Variants in BCL2 observed in about 807,000 individuals in gnomAD.
BCL2 encodes the protein apoptosis regulator Bcl-2.
A neutral mutation model predicts 14.2 loss-of-function variants in BCL2; 1 was observed. The ratio of observed to expected loss-of-function variants is 0.07; its 90% CI spans 0.02 to 0.33. The LOEUF is 0.33. BCL2 is among the 10% of genes least tolerant of loss of function. The pLI is 0.99. For synonymous variants in BCL2, 151 were observed against 137.2 expected (o/e 1.10, Z -0.70); for missense variants, 247 against 305.9 (o/e 0.81, Z 1.44).
intron 2 of BCL2, among the ~76,000 whole-genome samples, chr18:63,300,152 G>GTACAAC (rs1912918862): frequency 6.6e-6 from 1 of 152,130 alleles, no homozygotes; most frequent in Admixed American, 6.5e-5. Flanking sequence ...CTAAATATGT[G>GTACAAC]TACAACTTAA....
Position 63,318,864 on chromosome 18 carries a change from T to G in BCL2, c.-198A>C. On this transcript the variant is annotated 5_prime_UTR_variant, in exon 2 of 3. Transcript: ENST00000333681. This position sits in a 1 kb window ranked among gnomAD's most constrained non-coding sequence, Gnocchi z 7.4. ...CCCCTTGGCATGAGATGCAGGAAAT[T>G]TTTATTCCAATTCCTTTCGGATCTT... 7.1e-7 allele frequency: 1 copy of G among 1,411,058 alleles called. No individual in the cohort carries two copies. Among genetic ancestry groups the G allele is most frequent in the East Asian group, 2.8e-5 (1 of 35,678 alleles). The allele number at this position is 1,411,058 out of a possible 1,614,324, so 87.4% of individuals were successfully genotyped here.
chr18:63,230,321 C>A (rs1427744549), intron 2 of BCL2, among the ~76,000 whole-genome samples: 3 of 151,960 alleles, frequency 2.0e-5, no homozygotes, highest in African/African-American at 7.3e-5. Flanking sequence ...ACAACTGAAG[C>A]CCTAAATTTC....
In BCL2 at chr18:63,152,579, T is replaced by C. The variant is rs569492950; in HGVS notation, c.586-23820A>G. 2.0e-5 allele frequency among the ~76,000 whole-genome samples: 3 copies of C among 152,340 alleles called. No homozygotes were observed. The East Asian group carries it at 5.8e-4, about 29-fold the overall frequency. On this transcript the variant is annotated intron_variant, in intron 2 of 2. Transcript: ENST00000333681. Reference sequence around the variant, plus strand: ...AATCTATTCTTTAATTTTCTAACATTTGTGTACAAAGCCAAACAATCAACA... The same window carrying C: ...AATCTATTCTTTAATTTTCTAACATCTGTGTACAAAGCCAAACAATCAACA...
chr18:63,293,106 G>A (rs1030343417), intron 2 of BCL2, among the ~76,000 whole-genome samples: 2 of 152,166 alleles, frequency 1.3e-5, no homozygotes, highest in East Asian at 1.9e-4. Context: ...ACTCAGCCCC[G>A]GGACAACACT....
rs890212884 is a variant in BCL2, at chr18:63,123,920, T to C, written c.*4705A>G. ...TCTTATTTATTAATAGTCTCAGAAT[T>C]TTCTTGATTGAGCGAGCCTTTCCAT... On this transcript the variant is annotated 3_prime_UTR_variant, in exon 3 of 3. Coordinates refer to ENST00000333681, the MANE Select transcript of BCL2 (RefSeq NM_000633.3). 1 of 219,448 alleles carries C rather than the reference T, an allele frequency of 4.6e-6. No individual in the cohort carries two copies. Among genetic ancestry groups the C allele is most frequent in the Non-Finnish European group, 9.2e-6 (1 of 109,184 alleles). 13.6% of individuals were successfully genotyped at this position (219,448 alleles called of 1,614,324 possible).
At chr18:63,238,999 C>T (rs535547552) in intron 2 of BCL2, among the ~76,000 whole-genome samples, 2 of 152,116 alleles carry the variant, frequency 1.3e-5, no homozygotes, top group Admixed American at 6.6e-5. Context: ...CCTGCTACTC[C>T]GGGTAGGGGA....
At chr18:63,297,307 T>A (rs1912826423) in intron 2 of BCL2, among the ~76,000 whole-genome samples, 1 of 152,218 alleles carries the variant, frequency 6.6e-6, no homozygotes. Flanking sequence ...AACTAATACA[T>A]CCAAAATACT....
chr18:63,157,258 G>A (rs1049480660), intron 2 of BCL2, among the ~76,000 whole-genome samples: 4 of 152,168 alleles, frequency 2.6e-5, no homozygotes, highest in Admixed American at 6.5e-5. Context: ...CTGTCAGCAC[G>A]GAAAACAGGA....
intron 2 of BCL2, among the ~76,000 whole-genome samples, chr18:63,174,460 A>G (rs1915301940): frequency 6.6e-6 from 1 of 152,150 alleles, no homozygotes; most frequent in Admixed American, 6.5e-5. Flanking sequence ...CTAATGTTAA[A>G]CACCAACTCA....
chr18:63,311,986 G>A (rs1237076099), intron 2 of BCL2, among the ~76,000 whole-genome samples: 2 of 152,206 alleles, frequency 1.3e-5, no homozygotes, highest in South Asian at 2.1e-4. Context: ...ATCAAAGTAA[G>A]TACAAATTTT....
chr18:63,266,855 T>C (rs146326020), intron 2 of BCL2, among the ~76,000 whole-genome samples: 39 of 152,250 alleles, frequency 2.6e-4, no homozygotes, highest in Middle Eastern at 3.4e-3. Flanking sequence ...GGAAGGAATA[T>C]ATGTAAAGCC....
At chr18:63,135,846 T>C (rs1257844685) in intron 2 of BCL2, among the ~76,000 whole-genome samples, 1 of 152,168 alleles carries the variant, frequency 6.6e-6, no homozygotes, top group Non-Finnish European at 1.5e-5. Flanking sequence ...CCACACTCAT[T>C]GGCTCACTTC....
At chr18:63,155,429 T>C (rs1011496634) in intron 2 of BCL2, among the ~76,000 whole-genome samples, 3 of 151,378 alleles carry the variant, frequency 2.0e-5, no homozygotes, top group Non-Finnish European at 4.4e-5. Context: ...GAATGTGCTG[T>C]GCATTGCGTG....
chr18:63,183,374 T>C (rs1915520102), intron 2 of BCL2, among the ~76,000 whole-genome samples: 2 of 152,086 alleles, frequency 1.3e-5, no homozygotes, highest in Admixed American at 1.3e-4. Context: ...GTGGCTCACA[T>C]CACAGCAGGC....
At chr18:63,183,952 T>G (rs1403634207) in intron 2 of BCL2, among the ~76,000 whole-genome samples, 1 of 152,322 alleles carries the variant, frequency 6.6e-6, no homozygotes, top group East Asian at 1.9e-4. Context: ...GGAGCCTGCA[T>G]GGGGCCCTGC....
chr18:63,139,080 C>T (rs935277183), intron 2 of BCL2, among the ~76,000 whole-genome samples: 3 of 152,170 alleles, frequency 2.0e-5, no homozygotes, highest in African/African-American at 7.2e-5. Flanking sequence ...TCAGAGGATT[C>T]CTTAGTCTAA....
At chr18:63,273,152 A>G (rs1253674017) in intron 2 of BCL2, among the ~76,000 whole-genome samples, 1 of 152,252 alleles carries the variant, frequency 6.6e-6, no homozygotes, top group Non-Finnish European at 1.5e-5. Flanking sequence ...GACAAAATGT[A>G]GAAAGTATAA....
At position 63,125,513 on chromosome 18, in the gene BCL2, A is replaced by G. The variant is rs1913888571; in HGVS notation, c.*3112T>C. 2 of 217,080 alleles carry G rather than the reference A, an allele frequency of 9.2e-6. No homozygotes were observed. Among genetic ancestry groups the G allele is most frequent in the Non-Finnish European group, 1.9e-5 (2 of 107,834 alleles). 13.4% of individuals were successfully genotyped at this position (217,080 alleles called of 1,614,324 possible). On this transcript the variant is annotated 3_prime_UTR_variant, in exon 3 of 3. Transcript: ENST00000333681. ...CCCTTGTCCCCAATTTGGAAAGTGC[A>G]TATACTCTATTTAACTCTGACCCTG...
chr18:63,191,080 A>G (rs184221491), intron 2 of BCL2, among the ~76,000 whole-genome samples: 6 of 152,152 alleles, frequency 3.9e-5, no homozygotes, highest in African/African-American at 1.4e-4. Flanking sequence ...CATGTACCAC[A>G]TTTTCTTTAT....
Sources: gnomAD v4.1 joint callset for allele counts (sites outside exome capture counted in the v4.1 genomes callset) on GRCh38, gnomAD v4.1.1 for gene constraint, Gnocchi (gnomAD v3.1) non-coding constraint, MANE v1.5 for transcripts, NCBI Gene and HGNC (gene_info 2026-07-23, HGNC 2026-07-21) for gene names.